The following BCAP29 variants were observed in gnomAD, a reference collection of about 807,000 sequenced individuals.
BCAP29 encodes the protein B-cell receptor-associated protein 29.
In BCAP29, 34 loss-of-function variants were observed where a neutral mutation model predicts 31.8. The ratio of observed to expected loss-of-function variants is 1.07; its 90% CI spans 0.81 to 1.42. The LOEUF (loss-of-function observed/expected upper bound fraction) is 1.42, where lower values mean the gene tolerates loss of function less well. Ranked by LOEUF, BCAP29 falls within the 40% of genes most tolerant of loss-of-function variation. The probability of loss-of-function intolerance (pLI) is 0.00; values close to 1 mark genes in which losing one functional copy is unlikely to be tolerated. For missense variants in BCAP29, 314 were observed against 269.2 expected (o/e 1.17, Z -1.16); for synonymous variants, 104 against 91.3 (o/e 1.14, Z -0.79).
chr7:107,613,077 A>G (rs1270370869), intron 6 of BCAP29, among the ~76,000 whole-genome samples: 1 of 152,178 alleles, frequency 6.6e-6, no homozygotes, highest in East Asian at 1.9e-4. Flanking sequence ...ATGTTAGATA[A>G]TATTTTGTTT....
chr7:107,602,197 G>A lies in BCAP29; in HGVS notation c.589+1692G>A, dbSNP rs183485258. ...AGGTAAAGGCAGATTTTACCTGTTC[G>A]AGTGTGTCCTGTTTGGTTCCAGCAA... On this transcript the variant is annotated intron_variant, in intron 6 of 7. Transcript: ENST00000005259. Among the ~76,000 whole-genome samples the A allele has an allele frequency of 1.9e-3, 292 of 152,254 alleles. 2 individuals are homozygous for A. The highest frequency in any genetic ancestry group is 6.8e-3 in the African/African-American group (282 of 41,560).
intron 4 of BCAP29, 170 bp from the exon 5 acceptor site, chr7:107,595,697 G>A (rs1205372585): frequency 5.3e-6 from 3 of 568,800 alleles, no homozygotes; most frequent in South Asian, 2.9e-5. Context: ...ATGAGACACG[G>A]GCCTGTTTTT....
chr7:107,592,469 A>G (rs1349998556), intron 3 of BCAP29, among the ~76,000 whole-genome samples: 1 of 152,246 alleles, frequency 6.6e-6, no homozygotes, highest in Non-Finnish European at 1.5e-5. Flanking sequence ...ATTGGAACCA[A>G]CATACACTGC....
Position 107,600,503 on chromosome 7 carries a change from A to T in BCAP29, c.587A>T (p.Asp196Val), listed in dbSNP as rs777621227. 6.4e-7 allele frequency: 1 copy of T among 1,563,588 alleles called. No individual in the cohort carries two copies. The highest frequency in any genetic ancestry group is 8.8e-7 in the Non-Finnish European group (1 of 1,137,286). The change falls in exon 6 of 8, where the codon GAT becomes GTT. Residue 196 changes from aspartate to valine, a missense_variant and splice_region_variant. Asp to Val is a radical substitution (Grantham distance 152). Transcript: ENST00000005259. ...AAAACTGAATTAAGGAAGACTTCAGATGGTAACTTTGTGTACATGTGAAAA... is the reference window on the plus strand; with the variant it reads ...AAAACTGAATTAAGGAAGACTTCAGTTGGTAACTTTGTGTACATGTGAAAA... ...KLKTELRKTS[D>V]ALSKAQNDVM...
chr7:107,599,383 G>T (rs569856782), intron 5 of BCAP29, among the ~76,000 whole-genome samples: 1 of 118,500 alleles, frequency 8.4e-6, no homozygotes, highest in African/African-American at 3.3e-5. Context: ...AGCCTGCCAT[G>T]GTGGCACACG....
At chr7:107,594,690 G>A (rs147355960) in intron 4 of BCAP29, among the ~76,000 whole-genome samples, 2,150 of 152,114 alleles carry the variant, frequency 0.014, 50 homozygotes, top group African/African-American at 0.05. Flanking sequence ...TTTCAGTAGA[G>A]ACAGGGTTTC....
Position 107,580,868 on chromosome 7 carries a change from G to A in BCAP29, c.92+4G>A, listed in dbSNP as rs540882705. The A allele has an allele frequency of 7.0e-6, 11 of 1,571,780 alleles. No homozygotes were observed. The African/African-American group carries it at 1.5e-4, about 22-fold the overall frequency. On this transcript the variant is annotated splice_donor_region_variant and intron_variant, in intron 2 of 7. Transcript: ENST00000005259. ...TACCTTTTATTCCTCCTCAGAGGTA[G>A]GAAACCTTCAAATCGTTAACTAATA...
At position 107,618,275 on chromosome 7, in the gene BCAP29, A is replaced by G. The variant is rs1332618745; in HGVS notation, c.691-53A>G. 8 of 1,293,354 alleles carry G rather than the reference A, an allele frequency of 6.2e-6. No individual in the cohort carries two copies. In the East Asian group the frequency reaches 7.0e-5, roughly 11 times the overall value. The allele number at this position is 1,293,354 out of a possible 1,614,324, so 80.1% of individuals were successfully genotyped here. A position where few individuals can be genotyped will look rare whatever the true frequency, so the allele number is the denominator to read the frequency against. ...TTTTTTAAAAGTCCTTGTCATGTCT[A>G]TGAATCTGTTTCTCTTTGCTGTACT... On this transcript the variant is annotated intron_variant, in intron 7 of 7. Transcript: ENST00000005259.
chr7:107,620,456 T>C lies in BCAP29; in HGVS notation c.*2093T>C, dbSNP rs1411418781. 1.3e-5 allele frequency: 2 copies of C among 152,246 alleles called. No individual in the cohort carries two copies. The highest frequency in any genetic ancestry group is 2.9e-5 in the Non-Finnish European group (2 of 68,036). The allele number at this position is 152,246 out of a possible 1,614,324, so 9.4% of individuals were successfully genotyped here. A position where few individuals can be genotyped will look rare whatever the true frequency, so the allele number is the denominator to read the frequency against. On this transcript the variant is annotated 3_prime_UTR_variant, in exon 8 of 8. Coordinates refer to ENST00000005259, the MANE Select transcript of BCAP29 (RefSeq NM_018844.4). ...TGTTTAGCAAATTGTATTACATAAA[T>C]AAATATTTATTTCATGGATTGAGTT...
chr7:107,623,289 C>T (rs1438156921), downstream of BCAP29: 1 of 152,164 alleles, frequency 6.6e-6, no homozygotes, highest in East Asian at 1.9e-4. Context: ...ATGTTGGGAT[C>T]TTAATTAAAA....
At chr7:107,606,107 T>G (rs1253356040) in intron 6 of BCAP29, among the ~76,000 whole-genome samples, 2 of 152,234 alleles carry the variant, frequency 1.3e-5, no homozygotes, top group Non-Finnish European at 2.9e-5. Flanking sequence ...ATTATCTAAT[T>G]AATTGGCTGT....
At chr7:107,600,532 A>G (rs762400100) in intron 6 of BCAP29, 27 bp downstream of exon 6, 9 of 1,354,674 alleles carry the variant, frequency 6.6e-6, no homozygotes, top group Middle Eastern at 1.8e-4. Flanking sequence ...GTGAAAAAGT[A>G]AAAAGACTAG....
chr7:107,602,596 A>G (rs1033797432), intron 6 of BCAP29, among the ~76,000 whole-genome samples: 4 of 152,254 alleles, frequency 2.6e-5, no homozygotes, highest in South Asian at 2.1e-4. Flanking sequence ...GGTGTTTTCC[A>G]TATGAATTTT....
At chr7:107,602,229 T>G (rs1811302262) in intron 6 of BCAP29, among the ~76,000 whole-genome samples, 1 of 152,188 alleles carries the variant, frequency 6.6e-6, no homozygotes, top group East Asian at 1.9e-4. Context: ...GCAAGACATA[T>G]AATATTTTAT....
rs977655998 is a variant in BCAP29 at position 107,619,084 on chromosome 7, T to C, written c.*721T>C. Reference sequence around the variant, plus strand: ...TATATTTGTATAACTGCTATACCACTGAACTGAATTTATTTTACAACAGTG... The same window carrying C: ...TATATTTGTATAACTGCTATACCACCGAACTGAATTTATTTTACAACAGTG... On this transcript the variant is annotated 3_prime_UTR_variant, in exon 8 of 8. Transcript: ENST00000005259. 6.6e-6 allele frequency: 1 copy of C among 152,590 alleles called. No individual in the cohort carries two copies. The highest frequency in any genetic ancestry group is 2.1e-4 in the South Asian group (1 of 4,830). 9.5% of individuals were successfully genotyped at this position (152,590 alleles called of 1,614,324 possible).
downstream of BCAP29, chr7:107,621,796 T>C (rs1482296533): frequency 6.2e-6 from 3 of 485,794 alleles, no homozygotes; most frequent in Non-Finnish European, 1.3e-5. Context: ...AGCATGGCCC[T>C]ACAGATACCG....
intron 7 of BCAP29, chr7:107,613,691 A>C: frequency 2.5e-6 from 4 of 1,605,348 alleles, no homozygotes; most frequent in Non-Finnish European, 3.4e-6. Flanking sequence ...AAAAGAAGCC[A>C]CAAAAATGGC....
chr7:107,618,060 T>C (rs1814507125), intron 7 of BCAP29, among the ~76,000 whole-genome samples: 1 of 152,106 alleles, frequency 6.6e-6, no homozygotes, highest in African/African-American at 2.4e-5. Flanking sequence ...ATTTTAGAAA[T>C]CATGTTTTCC....
chr7:107,581,390 G>A (rs1806638283), intron 2 of BCAP29, among the ~76,000 whole-genome samples: 3 of 152,216 alleles, frequency 2.0e-5, no homozygotes, highest in Admixed American at 1.3e-4. Flanking sequence ...ATTAATGAAT[G>A]TATATTAAAA....
Sources: allele counts gnomAD v4.1 joint callset (sites outside exome capture counted in the v4.1 genomes callset), GRCh38; gene constraint gnomAD v4.1.1; transcripts MANE v1.5; gene names NCBI Gene and HGNC (gene_info 2026-07-23, HGNC 2026-07-21).